CRACDL: variants seen among roughly 807,000 people sequenced by gnomAD.
The protein encoded by CRACDL is CRACD-like protein.
A neutral mutation model predicts 70.6 loss-of-function variants in CRACDL; 26 were observed. The observed-to-expected ratio is 0.37, with a 90% CI of 0.27 to 0.51. CRACDL has a LOEUF of 0.51. Among genes scored for constraint, CRACDL ranks in the 20% least tolerant of loss-of-function variants. The pLI, the probability that CRACDL is intolerant of heterozygous loss-of-function variation, is 0.94. For synonymous variants in CRACDL, 618 were observed against 615.2 expected (o/e 1.00, Z -0.07); for missense variants, 1,283 against 1,376.9 (o/e 0.93, Z 1.08).
Position 98,805,132 on chromosome 2 carries a change from G to A in CRACDL, c.2417-7595C>T, listed in dbSNP as rs149327762. ...TCCACAATCAGGAATGAGTTCCAGAGCCTGCTGAAAGGGGACACGGCAGGG... is the reference window on the plus strand; with the variant it reads ...TCCACAATCAGGAATGAGTTCCAGAACCTGCTGAAAGGGGACACGGCAGGG... On this transcript the variant is annotated intron_variant, in intron 7 of 9. Coordinates refer to ENST00000397899, the MANE Select transcript of CRACDL (RefSeq NM_207362.3). 3.8e-3 allele frequency among the ~76,000 whole-genome samples: 582 copies of A among 152,290 alleles called. 5 individuals are homozygous for A. Among genetic ancestry groups the A allele is most frequent in the African/African-American group, 0.014 (565 of 41,548 alleles).
intron 5 of CRACDL, among the ~76,000 whole-genome samples, chr2:98,829,219 G>A (rs1032714039): frequency 1.3e-5 from 2 of 152,234 alleles, no homozygotes; most frequent in African/African-American, 2.4e-5. Flanking sequence ...GCCGCCCTGC[G>A]TCTGTCCTGC....
intron 1 of CRACDL, among the ~76,000 whole-genome samples, chr2:98,864,610 G>T (rs1309377808): frequency 1.3e-5 from 2 of 150,472 alleles, no homozygotes; most frequent in Admixed American, 1.3e-4. Flanking sequence ...GCAGCGGCAC[G>T]ATCTCGGCTC....
chr2:98,877,605 C>T (rs1369685622), intron 1 of CRACDL, among the ~76,000 whole-genome samples: 2 of 151,788 alleles, frequency 1.3e-5, no homozygotes, highest in African/African-American at 2.4e-5. Context: ...AAAAATTAGC[C>T]GGGTATGGTG....
intron 1 of CRACDL, among the ~76,000 whole-genome samples, chr2:98,897,967 T>A (rs1462967749): frequency 6.6e-6 from 1 of 152,238 alleles, no homozygotes; most frequent in East Asian, 1.9e-4. Flanking sequence ...AAAATCCTGA[T>A]GCTCCCCAAG....
Position 98,796,131 on chromosome 2 carries a change from T to C in CRACDL, c.2738A>G (p.His913Arg). The C allele has an allele frequency of 6.2e-7, 1 of 1,614,088 alleles. No homozygotes were observed. The highest frequency in any genetic ancestry group is 8.5e-7 in the Non-Finnish European group (1 of 1,179,896). The part of the protein sequence containing the change: ...EGLQRGISLS[H>R]QNLAQSAVMM... The stretch of plus-strand genomic sequence containing the variant: ...TGCAGATTTCATACCCAAGTTCTGA[T>C]GGGACAATGAGATTCCTCTTTGCAG... The change falls in exon 9 of 10, where the codon CAT (histidine) becomes CGT (arginine). Residue 913 changes from histidine (H) to arginine (R), a missense_variant. His to Arg is a conservative substitution (Grantham distance 29). This residue lies in a region of CRACDL where 921 missense variants were observed against 881.9 expected (regional missense o/e 1.04). Transcript: ENST00000397899.
At chr2:98,898,854 A>G (rs1422079063) in intron 1 of CRACDL, among the ~76,000 whole-genome samples, 2 of 152,190 alleles carry the variant, frequency 1.3e-5, no homozygotes, top group East Asian at 3.8e-4. Context: ...CAAAGAAGAT[A>G]ATATTTTTTT....
Position 98,828,599 on chromosome 2 carries a change from T to C in CRACDL, c.541-1430A>G, listed in dbSNP as rs541366192. Among the ~76,000 whole-genome samples the C allele has an allele frequency of 4.6e-5, 7 of 152,300 alleles. No homozygotes were observed. The East Asian group carries it at 5.8e-4, about 13-fold the overall frequency. The stretch of plus-strand genomic sequence containing the variant: ...CATAAGGATGATCGTACTGGTGAGA[T>C]GGGCTTCGATACGGGAGGAACAACC... On this transcript the variant is annotated intron_variant, in intron 5 of 9. Transcript: ENST00000397899.
At chr2:98,894,340 C>A (rs1355242589) in intron 1 of CRACDL, among the ~76,000 whole-genome samples, 1 of 152,116 alleles carries the variant, frequency 6.6e-6, no homozygotes, top group Non-Finnish European at 1.5e-5. Context: ...GGAAGAGCGT[C>A]AATGTGAATT....
intron 1 of CRACDL, among the ~76,000 whole-genome samples, chr2:98,927,824 C>T (rs951651109): frequency 2.0e-5 from 3 of 152,066 alleles, no homozygotes; most frequent in African/African-American, 4.8e-5. Context: ...TGGATGCAAA[C>T]GAAGAATATC....
intron 3 of CRACDL, among the ~76,000 whole-genome samples, chr2:98,836,075 A>G (rs1367086463): frequency 6.6e-6 from 1 of 152,234 alleles, no homozygotes; most frequent in Non-Finnish European, 1.5e-5. Flanking sequence ...AATATGGGAC[A>G]TTCTGCAGGA....
chr2:98,933,605 A>G (rs1275953295), intron 1 of CRACDL, among the ~76,000 whole-genome samples: 1 of 152,120 alleles, frequency 6.6e-6, no homozygotes, highest in Admixed American at 6.6e-5. Flanking sequence ...CCTGCAACAC[A>G]AGCAGTATTT....
chr2:98,910,521 A>AAAAT (rs61614119), intron 1 of CRACDL, among the ~76,000 whole-genome samples: 47,191 of 140,500 alleles, frequency 0.34, 8,137 homozygotes, highest in African/African-American at 0.37. Flanking sequence ...ACTCTGTCTC[A>AAAAT]AAATAAATAA....
At chr2:98,825,830 C>G (rs1291331120) in intron 6 of CRACDL, among the ~76,000 whole-genome samples, 1 of 152,234 alleles carries the variant, frequency 6.6e-6, no homozygotes, top group Non-Finnish European at 1.5e-5. Flanking sequence ...ACTCTGCTGG[C>G]ATGAGTTTAA....
At chr2:98,799,502 T>A (rs1311071335) in intron 7 of CRACDL, among the ~76,000 whole-genome samples, 1 of 152,120 alleles carries the variant, frequency 6.6e-6, no homozygotes, top group Non-Finnish European at 1.5e-5. Flanking sequence ...ACTGGCCCCC[T>A]GGGAATCCTG....
intron 1 of CRACDL, among the ~76,000 whole-genome samples, chr2:98,903,884 A>G (rs1187860523): frequency 6.6e-6 from 1 of 152,222 alleles, no homozygotes; most frequent in East Asian, 1.9e-4. Context: ...GTGATTAAGA[A>G]ATGCTGCTGC....
At chr2:98,834,360 G>A (rs941832366) in intron 3 of CRACDL, among the ~76,000 whole-genome samples, 9 of 152,192 alleles carry the variant, frequency 5.9e-5, no homozygotes, top group Non-Finnish European at 1.0e-4. Context: ...AACCATGAAT[G>A]TCATACAATG....
chr2:98,825,455 C>CAAA (rs1705263027), intron 6 of CRACDL, among the ~76,000 whole-genome samples: 1 of 152,194 alleles, frequency 6.6e-6, no homozygotes, highest in Admixed American at 6.5e-5. Flanking sequence ...CAGATGGGAG[C>CAAA]AAGAAGGGAG....
chr2:98,913,349 G>C (rs1265329069), intron 1 of CRACDL, among the ~76,000 whole-genome samples: 1 of 152,194 alleles, frequency 6.6e-6, no homozygotes, highest in Non-Finnish European at 1.5e-5. Flanking sequence ...GGGAAGGGAA[G>C]AGAGCTGGCA....
chr2:98,816,877 C>T (rs899254598), intron 7 of CRACDL, among the ~76,000 whole-genome samples: 9 of 152,304 alleles, frequency 5.9e-5, no homozygotes, highest in Non-Finnish European at 1.3e-4. Flanking sequence ...TAACTGAAAT[C>T]GGAATCTCAG....
Sources: gnomAD v4.1 joint callset for allele counts (sites outside exome capture counted in the v4.1 genomes callset) on GRCh38, gnomAD v4.1.1 for gene constraint, gnomAD v4.1.1 regional missense constraint, MANE v1.5 for transcripts, NCBI Gene and HGNC (gene_info 2026-07-23, HGNC 2026-07-21) for gene names.